The following AMZ1 variants were observed in gnomAD, a reference collection of about 807,000 sequenced individuals.
AMZ1 encodes the protein archaelysin family metallopeptidase 1, also known as archaemetzincin-1.
A neutral mutation model predicts 29.9 loss-of-function variants in AMZ1; 39 were observed. The observed-to-expected ratio is 1.30, with a 90% CI of 1.01 to 1.70. AMZ1 has a LOEUF of 1.70. Ranked by LOEUF, AMZ1 falls within the 40% of genes most tolerant of loss-of-function variation. AMZ1 has a pLI of 0.00. For synonymous variants in AMZ1, 458 were observed against 304.0 expected (o/e 1.51, Z -5.27); for missense variants, 1,041 against 680.6 (o/e 1.53, Z -5.89).
chr7:2,746,649 G>A (rs1287039631), intron 4 of AMZ1, among the ~76,000 whole-genome samples: 1 of 152,028 alleles, frequency 6.6e-6, no homozygotes, highest in Non-Finnish European at 1.5e-5. Flanking sequence ...GCCAGCAGAA[G>A]GCAAGAAATA....
At chr7:2,744,454 G>C (rs1790668832) in intron 4 of AMZ1, among the ~76,000 whole-genome samples, 2 of 152,196 alleles carry the variant, frequency 1.3e-5, no homozygotes, top group African/African-American at 2.4e-5. Flanking sequence ...CTGCAGCTGA[G>C]GGTCCTGTCT....
rs937591074 is a variant in AMZ1, at chr7:2,714,804, C to T, written c.*1926C>T. ...CGTGAGACTCTCCATGGAGGAGGGG[C>T]ATCTTCTTAGGAAGGCAGCTGCCAT... On this transcript the variant is annotated 3_prime_UTR_variant, in exon 7 of 7. Transcript: ENST00000683327. 6.6e-6 allele frequency: 1 copy of T among 152,228 alleles called. No individual in the cohort carries two copies. The highest frequency in any genetic ancestry group is 1.5e-5 in the Non-Finnish European group (1 of 68,028). 9.4% of individuals were successfully genotyped at this position (152,228 alleles called of 1,614,324 possible).
intron 4 of AMZ1, among the ~76,000 whole-genome samples, chr7:2,759,555 T>C (rs1237431636): frequency 6.6e-6 from 1 of 152,186 alleles, no homozygotes; most frequent in Non-Finnish European, 1.5e-5. Flanking sequence ...AATACTAGAA[T>C]AGTGGTGACG....
chr7:2,704,303 G>T (rs1237334124), intron 3 of AMZ1, among the ~76,000 whole-genome samples: 4 of 152,264 alleles, frequency 2.6e-5, no homozygotes, highest in African/African-American at 9.6e-5. Flanking sequence ...AGGTGTTCAA[G>T]ACCAGCCTGG....
At position 2,696,987 on chromosome 7, in the gene AMZ1, C is replaced by G. The variant is rs146447067; in HGVS notation, c.-218-3247C>G. Among the ~76,000 whole-genome samples, 759 of 152,340 alleles carry G rather than the reference C, an allele frequency of 5.0e-3. 5 individuals are homozygous for G. The highest frequency in any genetic ancestry group is 0.016 in the African/African-American group (666 of 41,564). ...GCAATACAAATCACGATCCTTCAAA[C>G]ATCCACATGTGGAATTTTCCCTTCT... is the stretch of plus-strand genomic sequence containing the variant. On this transcript the variant is annotated intron_variant, in intron 1 of 6. Coordinates refer to ENST00000683327, the MANE Select transcript of AMZ1 (RefSeq NM_001384743.1).
rs570032117 is a variant in AMZ1 at position 2,718,582 on chromosome 7, G to C, written c.*5704G>C. Among the ~76,000 whole-genome samples the C allele has an allele frequency of 1.3e-5, 2 of 152,322 alleles. No individual in the cohort carries two copies. Among genetic ancestry groups the C allele is most frequent in the East Asian group, 1.9e-4 (1 of 5,182 alleles). On this transcript the variant is annotated 3_prime_UTR_variant, in exon 7 of 7. Coordinates refer to ENST00000683327, the MANE Select transcript of AMZ1 (RefSeq NM_001384743.1). ...GTGATGAGCGCGGCTGACGGCTCCCGGGGGCAGTGTGGGGTCCAGTCTGAA... is the reference window on the plus strand; with the variant it reads ...GTGATGAGCGCGGCTGACGGCTCCCCGGGGCAGTGTGGGGTCCAGTCTGAA...
chr7:2,742,003 C>G (rs1790530145), intron 4 of AMZ1, among the ~76,000 whole-genome samples: 1 of 151,738 alleles, frequency 6.6e-6, no homozygotes, highest in Non-Finnish European at 1.5e-5. Context: ...TTCATTTAAT[C>G]TGAAACACTT....
At chr7:2,684,865 A>T (rs55786306), upstream of AMZ1, among the ~76,000 whole-genome samples, 1 of 149,154 alleles carries the variant, frequency 6.7e-6, no homozygotes, top group East Asian at 2.0e-4. Flanking sequence ...GGCTTGACAC[A>T]TAATTGCTTT....
rs529123787 is a variant in AMZ1, at chr7:2,713,570, C to T, written c.*692C>T. The stretch of plus-strand genomic sequence containing the variant: ...AGGCTCCACACTGCCACCCAGCTTC[C>T]AAGGCTGAGTCTCCTCCCTAACGGG... On this transcript the variant is annotated 3_prime_UTR_variant, in exon 7 of 7. Coordinates refer to ENST00000683327, the MANE Select transcript of AMZ1 (RefSeq NM_001384743.1). 4.3e-4 allele frequency: 66 copies of T among 152,678 alleles called. No homozygotes were observed. Among genetic ancestry groups the T allele is most frequent in the African/African-American group, 1.5e-3 (62 of 41,558 alleles). The allele number at this position is 152,678 out of a possible 1,614,324, so 9.5% of individuals were successfully genotyped here. A position where few individuals can be genotyped will look rare whatever the true frequency, so the allele number is the denominator to read the frequency against.
rs963240128 is a variant in AMZ1 at position 2,715,586 on chromosome 7, C to A, written c.*2708C>A. ...GGAAGGAGCAAACCACTAAAAAAAACTCCTTTTATCCGCAGCGTTTACCAA... is the reference window on the plus strand; with the variant it reads ...GGAAGGAGCAAACCACTAAAAAAAAATCCTTTTATCCGCAGCGTTTACCAA... On this transcript the variant is annotated 3_prime_UTR_variant, in exon 7 of 7. Transcript: ENST00000683327. 6.6e-6 allele frequency: 1 copy of A among 152,232 alleles called. No homozygotes were observed. Among genetic ancestry groups the A allele is most frequent in the Non-Finnish European group, 1.5e-5 (1 of 68,050 alleles). 9.4% of individuals were successfully genotyped at this position (152,232 alleles called of 1,614,324 possible). A position where few individuals can be genotyped will look rare whatever the true frequency, so the allele number is the denominator to read the frequency against.
At chr7:2,752,877 G>A (rs939616564) in intron 4 of AMZ1, among the ~76,000 whole-genome samples, 9 of 152,136 alleles carry the variant, frequency 5.9e-5, no homozygotes, top group Admixed American at 2.0e-4. Context: ...GGGAACTGAC[G>A]TTAGTACAAT....
chr7:2,709,240 G>A lies in AMZ1; in HGVS notation c.767G>A (p.Cys256Tyr), dbSNP rs770416776. ...CFSALGMVQC[C>Y]KVTCHELCHL... ...AGTGCCCTGGGGATGGTTCAGTGCT[G>A]CAAGGTGGGTGGGGGCTCTGGGGCT... is the stretch of plus-strand genomic sequence containing the variant. Residue 256 changes from cysteine to tyrosine, a missense_variant, in exon 5 of 7, where the codon TGC becomes TAC. Transcript: ENST00000683327. 3.3e-6 allele frequency: 5 copies of A among 1,495,870 alleles called. No homozygotes were observed. The East Asian group carries it at 9.6e-5, about 29-fold the overall frequency. 92.7% of individuals were successfully genotyped at this position (1,495,870 alleles called of 1,614,324 possible). A position where few individuals can be genotyped will look rare whatever the true frequency, so the allele number is the denominator to read the frequency against.
At chr7:2,699,304 T>C (rs1190256312) in intron 1 of AMZ1, among the ~76,000 whole-genome samples, 1 of 152,158 alleles carries the variant, frequency 6.6e-6, no homozygotes, top group Non-Finnish European at 1.5e-5. Context: ...TCAGAGCATC[T>C]GTTTTGCAGG....
At chr7:2,742,848 T>C (rs1221587102) in intron 4 of AMZ1, among the ~76,000 whole-genome samples, 2 of 152,260 alleles carry the variant, frequency 1.3e-5, no homozygotes, top group South Asian at 2.1e-4. Context: ...TGCTAGTGAA[T>C]AGAAATACAA....
At chr7:2,691,748 AT>A (rs1253851040) in intron 1 of AMZ1, among the ~76,000 whole-genome samples, 14 of 150,656 alleles carry the variant, frequency 9.3e-5, no homozygotes, top group Admixed American at 3.3e-4. Context: ...AAAAAAAAAA[AT>A]AAGTGATTTT....
At chr7:2,695,393 C>T (rs1366280967) in intron 1 of AMZ1, among the ~76,000 whole-genome samples, 2 of 152,106 alleles carry the variant, frequency 1.3e-5, no homozygotes, top group African/African-American at 4.8e-5. Context: ...GCCCTGCTTC[C>T]CATGGTGATG....
At chr7:2,752,140 T>G (rs1048522291) in intron 4 of AMZ1, among the ~76,000 whole-genome samples, 2 of 151,812 alleles carry the variant, frequency 1.3e-5, no homozygotes, top group African/African-American at 4.8e-5. Flanking sequence ...AAAATGTCAA[T>G]AGAAGACAGC....
chr7:2,704,346 TATAAAA>T (rs1788227435), intron 3 of AMZ1, among the ~76,000 whole-genome samples: 4 of 152,212 alleles, frequency 2.6e-5, no homozygotes, highest in African/African-American at 9.6e-5. Flanking sequence ...GTGCAAAAAA[TATAAAA>T]ATAGCTGGCA....
At chr7:2,737,064 T>G (rs798519) in intron 4 of AMZ1, among the ~76,000 whole-genome samples, 87,027 of 151,858 alleles carry the variant, frequency 0.57, 25,307 homozygotes, top group Non-Finnish European at 0.63. Context: ...GGGTGTGCAT[T>G]AAAGACAGCC....
Sources: allele counts gnomAD v4.1 joint callset (sites outside exome capture counted in the v4.1 genomes callset), GRCh38; gene constraint gnomAD v4.1.1; transcripts MANE v1.5; gene names NCBI Gene and HGNC (gene_info 2026-07-23, HGNC 2026-07-21).